GINS2: variants seen among roughly 807,000 people sequenced by gnomAD.
The protein encoded by GINS2 is DNA replication complex GINS protein PSF2.
Under a neutral mutation model 21.2 loss-of-function variants are expected in GINS2, and 23 were observed. That is an observed-to-expected ratio of 1.08 (90% CI 0.78 to 1.53). The LOEUF (loss-of-function observed/expected upper bound fraction) is 1.53. Ranked by LOEUF, GINS2 falls within the 40% of genes most tolerant of loss-of-function variation. The probability of loss-of-function intolerance (pLI) is 0.00; values close to 1 mark genes in which losing one functional copy is unlikely to be tolerated. For synonymous variants in GINS2, 118 were observed against 85.6 expected (o/e 1.38, Z -2.09); for missense variants, 323 against 233.9 (o/e 1.38, Z -2.49).
chr16:85,679,270 A>G (rs2053712100), intron 3 of GINS2, among the ~76,000 whole-genome samples: 1 of 152,268 alleles, frequency 6.6e-6, no homozygotes, highest in Non-Finnish European at 1.5e-5. Flanking sequence ...ATTAGTATAC[A>G]GTGAGCACAC....
At chr16:85,682,020 C>CTT (rs1567791526) in intron 2 of GINS2, among the ~76,000 whole-genome samples, 1 of 118,456 alleles carries the variant, frequency 8.4e-6, no homozygotes, top group Non-Finnish European at 1.7e-5. Flanking sequence ...ACCTTTACCG[C>CTT]CTTTTTTTTT....
chr16:85,683,376 T>G (rs1037835320), intron 2 of GINS2, among the ~76,000 whole-genome samples: 1 of 151,536 alleles, frequency 6.6e-6, no homozygotes, highest in Non-Finnish European at 1.5e-5. Flanking sequence ...ACCTCCAAAT[T>G]TATACCCCCA....
intron 3 of GINS2, among the ~76,000 whole-genome samples, chr16:85,680,765 G>C (rs2053725126): frequency 6.6e-6 from 1 of 152,242 alleles, no homozygotes; most frequent in Non-Finnish European, 1.5e-5. Context: ...TTACAGGGCA[G>C]AGAACAGTAT....
Position 85,681,825 on chromosome 16 carries a change from G to T in GINS2, c.206-144C>A. On this transcript the variant is annotated intron_variant, in intron 2 of 4. Coordinates refer to ENST00000253462, the MANE Select transcript of GINS2 (RefSeq NM_016095.3). ...GAAAAAACATTTTGGGATGACATTT[G>T]TATCATTATCTAGATGATTTGAGGC... The T allele has an allele frequency of 6.6e-6, 4 of 601,942 alleles. 1 individual carries two copies. Among genetic ancestry groups the T allele is most frequent in the South Asian group, 6.4e-5 (3 of 47,210 alleles). The allele number at this position is 601,942 out of a possible 1,614,324, so 37.3% of individuals were successfully genotyped here.
In GINS2 at chr16:85,676,952, CCT is replaced by C. The variant is rs1324261814; in HGVS notation, c.*1258_*1259del. 6 of 152,302 alleles carry C rather than the reference CCT, an allele frequency of 3.9e-5. No homozygotes were observed. Among genetic ancestry groups the C allele is most frequent in the African/African-American group, 1.4e-4 (6 of 41,464 alleles). The allele number at this position is 152,302 out of a possible 1,614,324, so 9.4% of individuals were successfully genotyped here. ...CAATCTTGGCTCACTACAACCTCCG[CCT>C]CTCGGGTTCAAGCGATTCTCCTGCC... On this transcript the variant is annotated 3_prime_UTR_variant, in exon 5 of 5. Transcript: ENST00000253462.
In GINS2 at chr16:85,677,976, G is replaced by T. The variant is rs918424847; in HGVS notation, c.*236C>A. 2.4e-5 allele frequency: 11 copies of T among 457,226 alleles called. No homozygotes were observed. Among genetic ancestry groups the T allele is most frequent in the Middle Eastern group, 5.9e-4 (1 of 1,698 alleles). The allele number at this position is 457,226 out of a possible 1,614,324, so 28.3% of individuals were successfully genotyped here. On this transcript the variant is annotated 3_prime_UTR_variant, in exon 5 of 5. Coordinates refer to ENST00000253462, the MANE Select transcript of GINS2 (RefSeq NM_016095.3). ...TAAGGCTTTTTTATTTCTCAAAAGT[G>T]GGGGGAAAAAGGGCTGGTTTCTAGA...
rs188966110 is a variant in GINS2 at position 85,686,550 on chromosome 16, C to G, written c.205+910G>C. On this transcript the variant is annotated intron_variant, in intron 2 of 4. Transcript: ENST00000253462. ...TCCATCAATCCCAATTTTCATCATG[C>G]CAAAAAGAAACTCCACAATCCCTCC... Among the ~76,000 whole-genome samples the G allele has an allele frequency of 3.2e-3, 491 of 152,220 alleles. 3 individuals are homozygous for G. The highest frequency in any genetic ancestry group is 0.011 in the African/African-American group (458 of 41,528).
At chr16:85,686,622 T>G (rs533630189) in intron 2 of GINS2, among the ~76,000 whole-genome samples, 2 of 152,134 alleles carry the variant, frequency 1.3e-5, no homozygotes, top group African/African-American at 4.8e-5. Flanking sequence ...CTAATCTACA[T>G]TGTCTCTATT....
intron 2 of GINS2, among the ~76,000 whole-genome samples, chr16:85,683,836 C>G (rs1323599543): frequency 6.6e-6 from 1 of 152,188 alleles, no homozygotes; most frequent in Non-Finnish European, 1.5e-5. Context: ...AAAAAAGCTA[C>G]AGTCAAAATT....
intron 2 of GINS2, among the ~76,000 whole-genome samples, chr16:85,686,369 G>C (rs1161183283): frequency 1.3e-5 from 2 of 150,652 alleles, no homozygotes; most frequent in Non-Finnish European, 2.9e-5. Flanking sequence ...AGTGAGCCGA[G>C]ATCGCACCAC....
chr16:85,681,752 C>A, intron 2 of GINS2, 71 bp from the exon 3 acceptor site: 1 of 913,300 alleles, frequency 1.1e-6, no homozygotes, highest in Non-Finnish European at 1.7e-6. Flanking sequence ...CCAAATTTAC[C>A]AAGTGCCTAT....
chr16:85,686,305 C>A (rs1451645238), intron 2 of GINS2, among the ~76,000 whole-genome samples: 1 of 152,020 alleles, frequency 6.6e-6, no homozygotes, highest in Non-Finnish European at 1.5e-5. Context: ...GTAGTCCCAG[C>A]TACTTGGGAG....
At chr16:85,686,290 C>T (rs905278647) in intron 2 of GINS2, among the ~76,000 whole-genome samples, 2 of 152,060 alleles carry the variant, frequency 1.3e-5, no homozygotes, top group Non-Finnish European at 1.5e-5. Flanking sequence ...TGGTAGCGGG[C>T]GCCTGTAGTC....
chr16:85,680,704 G>T (rs2053724416), intron 3 of GINS2, among the ~76,000 whole-genome samples: 1 of 152,234 alleles, frequency 6.6e-6, no homozygotes, highest in African/African-American at 2.4e-5. Flanking sequence ...ACCCAGAAGA[G>T]ACATGTTATG....
At chr16:85,684,432 C>T (rs560865571) in intron 2 of GINS2, among the ~76,000 whole-genome samples, 1 of 152,244 alleles carries the variant, frequency 6.6e-6, no homozygotes, top group African/African-American at 2.4e-5. Flanking sequence ...GAGTTGGAGG[C>T]TGCAATTCAC....
intron 3 of GINS2, among the ~76,000 whole-genome samples, chr16:85,678,944 A>G (rs2053709515): frequency 6.6e-6 from 1 of 152,226 alleles, no homozygotes; most frequent in African/African-American, 2.4e-5. Context: ...ATCAGCTCTA[A>G]GTCAGAAGCC....
chr16:85,680,343 C>G (rs187189980), intron 3 of GINS2, among the ~76,000 whole-genome samples: 1 of 152,366 alleles, frequency 6.6e-6, no homozygotes, highest in Admixed American at 6.5e-5. Context: ...CCAGCCCTTC[C>G]TGCTGCTCTG....
At chr16:85,686,276 A>G (rs532441913) in intron 2 of GINS2, among the ~76,000 whole-genome samples, 6 of 152,230 alleles carry the variant, frequency 3.9e-5, no homozygotes, top group Admixed American at 6.5e-5. Flanking sequence ...AAATTAGCCG[A>G]GCGTGGTAGC....
chr16:85,683,189 C>T (rs12920032), intron 2 of GINS2, among the ~76,000 whole-genome samples: 1 of 152,062 alleles, frequency 6.6e-6, no homozygotes, highest in Non-Finnish European at 1.5e-5. Flanking sequence ...AGAAGGCCCT[C>T]CGTGAACACC....
Sources: allele counts gnomAD v4.1 joint callset (sites outside exome capture counted in the v4.1 genomes callset), GRCh38; gene constraint gnomAD v4.1.1; transcripts MANE v1.5; gene names NCBI Gene and HGNC (gene_info 2026-07-23, HGNC 2026-07-21).